SRL: variants seen among roughly 807,000 people sequenced by gnomAD.
The protein encoded by SRL is sarcalumenin.
A neutral mutation model predicts 39.5 loss-of-function variants in SRL; 23 were observed. That is an observed-to-expected ratio of 0.58 (90% confidence interval 0.42 to 0.82). The LOEUF (loss-of-function observed/expected upper bound fraction) is 0.82, where lower values mean the gene tolerates loss of function less well. SRL is among the 40% of genes least tolerant of loss of function. The pLI is 0.00. For missense variants in SRL, 592 were observed against 607.8 expected (o/e 0.97, Z 0.27); for synonymous variants, 272 against 237.4 (o/e 1.15, Z -1.34).
At position 4,210,977 on chromosome 16, in the gene SRL, G is replaced by A. The variant is rs565289465; in HGVS notation, c.62-6343C>T. ...TCAGAATCTGCATTTTAACAAAATG[G>A]CCAGGTGATTCCTGTGCACATTACA... is the stretch of plus-strand genomic sequence containing the variant. On this transcript the variant is annotated intron_variant, in intron 1 of 5. Coordinates refer to ENST00000399609, the MANE Select transcript of SRL (RefSeq NM_001098814.2). Among the ~76,000 whole-genome samples, 603 of 152,146 alleles carry A rather than the reference G, an allele frequency of 4.0e-3. 4 individuals carry two copies. The highest frequency in any genetic ancestry group is 0.014 in the African/African-American group (569 of 41,486).
chr16:4,215,497 T>C (rs970488562), intron 1 of SRL, among the ~76,000 whole-genome samples: 1 of 152,172 alleles, frequency 6.6e-6, no homozygotes, highest in African/African-American at 2.4e-5. Flanking sequence ...ATTTCACTCA[T>C]GAACAAAACC....
intron 1 of SRL, among the ~76,000 whole-genome samples, chr16:4,231,927 C>T (rs904479338): frequency 3.9e-5 from 6 of 152,162 alleles, no homozygotes; most frequent in African/African-American, 1.4e-4. Flanking sequence ...CGAAACAGCC[C>T]CATGCTGGAA....
chr16:4,209,976 G>T (rs2052372590), intron 1 of SRL, among the ~76,000 whole-genome samples: 1 of 152,144 alleles, frequency 6.6e-6, no homozygotes, highest in Non-Finnish European at 1.5e-5. Flanking sequence ...CTCAGCTCCT[G>T]CCTGCACGTG....
intron 1 of SRL, among the ~76,000 whole-genome samples, chr16:4,221,208 C>G (rs1022468071): frequency 3.9e-5 from 6 of 152,044 alleles, no homozygotes; most frequent in Admixed American, 2.0e-4. Flanking sequence ...GCCACCATGT[C>G]CAGCTAATTT....
At chr16:4,230,424 A>T (rs1174209817) in intron 1 of SRL, among the ~76,000 whole-genome samples, 1 of 145,546 alleles carries the variant, frequency 6.9e-6, no homozygotes, top group Non-Finnish European at 1.5e-5. Flanking sequence ...CCTGTCGCCC[A>T]GGCTGGAGTA....
chr16:4,229,734 C>A (rs981878220), intron 1 of SRL, among the ~76,000 whole-genome samples: 1 of 152,102 alleles, frequency 6.6e-6, no homozygotes, highest in Non-Finnish European at 1.5e-5. Context: ...CAGCATCATG[C>A]ACTACATCCA....
intron 1 of SRL, among the ~76,000 whole-genome samples, chr16:4,230,573 G>A (rs1340970664): frequency 6.6e-6 from 1 of 150,936 alleles, no homozygotes; most frequent in Non-Finnish European, 1.5e-5. Flanking sequence ...ATCTTTAGTA[G>A]AGACGGGGTT....
At chr16:4,213,304 C>G (rs1478786815) in intron 1 of SRL, among the ~76,000 whole-genome samples, 1 of 151,712 alleles carries the variant, frequency 6.6e-6, no homozygotes, top group African/African-American at 2.4e-5. Context: ...TCGCTTCTTC[C>G]TTCAAAATAT....
intron 1 of SRL, chr16:4,207,909 G>C (rs1409337038): frequency 6.6e-6 from 3 of 456,708 alleles, no homozygotes; most frequent in Non-Finnish European, 1.3e-5. Flanking sequence ...CGCGCTGGCG[G>C]CAGACGCGGG....
At chr16:4,200,229 G>A (rs1336466897) in intron 3 of SRL, among the ~76,000 whole-genome samples, 2 of 152,218 alleles carry the variant, frequency 1.3e-5, no homozygotes, top group Non-Finnish European at 2.9e-5. Flanking sequence ...CTGGCTGGGG[G>A]CCAGGAAGGG....
chr16:4,225,560 G>A (rs2052578063), intron 1 of SRL, among the ~76,000 whole-genome samples: 1 of 152,096 alleles, frequency 6.6e-6, no homozygotes, highest in South Asian at 2.1e-4. Flanking sequence ...CTCCAGCCGG[G>A]GTGACAGAGT....
chr16:4,225,789 C>G (rs1026783606), intron 1 of SRL, among the ~76,000 whole-genome samples: 1 of 152,076 alleles, frequency 6.6e-6, no homozygotes, highest in Non-Finnish European at 1.5e-5. Context: ...TCCCACACAG[C>G]AGCAGAGCAA....
chr16:4,190,168 C>T lies in SRL; in HGVS notation c.*1985G>A, dbSNP rs369675722. 10 of 397,714 alleles carry T rather than the reference C, an allele frequency of 2.5e-5. No homozygotes were observed. The highest frequency in any genetic ancestry group is 1.3e-4 in the Admixed American group (3 of 22,712). The allele number at this position is 397,714 out of a possible 1,614,324, so 24.6% of individuals were successfully genotyped here. On this transcript the variant is annotated 3_prime_UTR_variant, in exon 6 of 6. Transcript: ENST00000399609. Reference sequence around the variant, plus strand: ...AGGCCCTCCACAAAGCCAAACGCAACGGCCCCTGTGACAGCATGCACCAGA... The same window carrying T: ...AGGCCCTCCACAAAGCCAAACGCAATGGCCCCTGTGACAGCATGCACCAGA...
rs1038313725 is a variant in SRL at position 4,196,166 on chromosome 16, G to A, written c.377-380C>T. ...AGTAGAGACAGAGTTTCACCGTGTTGGCCAGGCTGGTCTCGAACTTCTGAC... is the reference window on the plus strand; with the variant it reads ...AGTAGAGACAGAGTTTCACCGTGTTAGCCAGGCTGGTCTCGAACTTCTGAC... On this transcript the variant is annotated intron_variant, in intron 4 of 5. Coordinates refer to ENST00000399609, the MANE Select transcript of SRL (RefSeq NM_001098814.2). Among the ~76,000 whole-genome samples the A allele has an allele frequency of 2.6e-5, 4 of 151,968 alleles. No individual in the cohort carries two copies. The South Asian group carries it at 8.3e-4, about 32-fold the overall frequency.
chr16:4,219,795 G>T (rs1056441438), intron 1 of SRL, among the ~76,000 whole-genome samples: 2 of 152,048 alleles, frequency 1.3e-5, no homozygotes, highest in African/African-American at 4.8e-5. Flanking sequence ...CAGGGTGAGG[G>T]TTAGCTCCCT....
In SRL at chr16:4,236,690, C is replaced by G. The variant is rs113553496; in HGVS notation, c.61+5317G>C. 4.0e-3 allele frequency among the ~76,000 whole-genome samples: 611 copies of G among 152,222 alleles called. 5 individuals are homozygous for G. The highest frequency in any genetic ancestry group is 0.014 in the African/African-American group (586 of 41,512). ...ACAGAGTCTTGCTCTGGTGCCCAGA[C>G]TGGAGTGCAGTGGCATGATCTCAGC... On this transcript the variant is annotated intron_variant, in intron 1 of 5. Coordinates refer to ENST00000399609, the MANE Select transcript of SRL (RefSeq NM_001098814.2).
chr16:4,209,813 A>G (rs1423548245), intron 1 of SRL, among the ~76,000 whole-genome samples: 1 of 152,188 alleles, frequency 6.6e-6, no homozygotes, highest in East Asian at 1.9e-4. Flanking sequence ...TCAGAGCTGA[A>G]TAAGTGAAAG....
chr16:4,234,708 G>C (rs879319613), intron 1 of SRL, among the ~76,000 whole-genome samples: 1 of 152,190 alleles, frequency 6.6e-6, no homozygotes, highest in Non-Finnish European at 1.5e-5. Flanking sequence ...CAGGGGACTG[G>C]GACCTCTCGA....
intron 1 of SRL, among the ~76,000 whole-genome samples, chr16:4,209,547 A>T (rs1227816626): frequency 2.0e-5 from 3 of 152,030 alleles, no homozygotes; most frequent in Non-Finnish European, 4.4e-5. Context: ...CACAAAGAAA[A>T]GCCACTTCTT....
Sources: gnomAD v4.1 joint callset for allele counts (sites outside exome capture counted in the v4.1 genomes callset) on GRCh38, gnomAD v4.1.1 for gene constraint, MANE v1.5 for transcripts, NCBI Gene and HGNC (gene_info 2026-07-23, HGNC 2026-07-21) for gene names.